Variants in ZNF609 observed in about 807,000 individuals in gnomAD.
ZNF609 encodes zinc finger protein 609.
In ZNF609, 11 loss-of-function variants were observed where a neutral mutation model predicts 109.5. The observed-to-expected ratio is 0.10, with a 90% CI of 0.06 to 0.17. ZNF609 has a LOEUF of 0.17. Ranked by LOEUF, ZNF609 falls within the 10% of genes least tolerant of loss-of-function variation. The probability of loss-of-function intolerance (pLI) is 1.00; values close to 1 mark genes in which losing one functional copy is unlikely to be tolerated. For synonymous variants in ZNF609, 646 were observed against 662.0 expected (o/e 0.98, Z 0.37); for missense variants, 1,559 against 1,772.4 (o/e 0.88, Z 2.16).
chr15:64,660,523 TA>T (rs1396857306), intron 3 of ZNF609, among the ~76,000 whole-genome samples: 2 of 152,218 alleles, frequency 1.3e-5, no homozygotes, highest in Non-Finnish European at 1.5e-5. Context: ...GTTGAGAAGT[TA>T]TGACGGAGAC....
At chr15:64,520,165 C>T (rs1893871201) in intron 2 of ZNF609, among the ~76,000 whole-genome samples, 1 of 152,130 alleles carries the variant, frequency 6.6e-6, no homozygotes, top group Non-Finnish European at 1.5e-5. Context: ...AGAAGCAGTA[C>T]AGGAAGGTTT....
intron 2 of ZNF609, among the ~76,000 whole-genome samples, chr15:64,530,561 ATAT>A (rs1314054577): frequency 6.6e-6 from 1 of 152,200 alleles, no homozygotes; most frequent in African/African-American, 2.4e-5. Flanking sequence ...TCAATGCTTA[ATAT>A]TAGTAGGGAT....
intron 3 of ZNF609, among the ~76,000 whole-genome samples, chr15:64,647,511 T>C (rs1896352987): frequency 6.6e-6 from 1 of 152,154 alleles, no homozygotes; most frequent in African/African-American, 2.4e-5. Context: ...TATATTTTTG[T>C]TGCTTCTTTT....
intron 2 of ZNF609, among the ~76,000 whole-genome samples, chr15:64,531,331 C>T (rs897507951): frequency 6.6e-6 from 1 of 152,058 alleles, no homozygotes; most frequent in Non-Finnish European, 1.5e-5. Context: ...TTGCTGAATA[C>T]AAGATGAGAT....
At chr15:64,607,823 C>A (rs1895630106) in intron 2 of ZNF609, among the ~76,000 whole-genome samples, 2 of 8,890 alleles carry the variant, frequency 2.2e-4, no homozygotes, top group East Asian at 0.011. Flanking sequence ...TTTCTTCTTT[C>A]TTTCTTTCTT....
At chr15:64,538,632 C>T (rs748922727) in intron 2 of ZNF609, among the ~76,000 whole-genome samples, 1 of 152,108 alleles carries the variant, frequency 6.6e-6, no homozygotes, top group Non-Finnish European at 1.5e-5. Flanking sequence ...CCGCAACCTC[C>T]GCCTCCTGGG....
At chr15:64,489,691 G>T (rs1893385313) in intron 1 of ZNF609, among the ~76,000 whole-genome samples, 1 of 151,548 alleles carries the variant, frequency 6.6e-6, no homozygotes, top group South Asian at 2.1e-4. Context: ...CACCATGCAT[G>T]GCTAATTTTT....
chr15:64,507,460 G>A (rs778016849), intron 2 of ZNF609, among the ~76,000 whole-genome samples: 2 of 152,166 alleles, frequency 1.3e-5, no homozygotes, highest in East Asian at 3.8e-4. Context: ...TGAGTAACCC[G>A]CCTCCAGAGC....
intron 2 of ZNF609, among the ~76,000 whole-genome samples, chr15:64,590,270 A>G (rs567989123): frequency 3.3e-5 from 5 of 152,296 alleles, no homozygotes; most frequent in Non-Finnish European, 7.3e-5. Flanking sequence ...ATATAAGGTC[A>G]TACATATTAG....
At chr15:64,550,344 TG>T (rs1251745144) in intron 2 of ZNF609, among the ~76,000 whole-genome samples, 5 of 151,950 alleles carry the variant, frequency 3.3e-5, no homozygotes, top group Non-Finnish European at 7.4e-5. Flanking sequence ...TTGTTGTTGT[TG>T]TTGTTAAATT....
At chr15:64,607,813 TTTC>T (rs1307543156) in intron 2 of ZNF609, among the ~76,000 whole-genome samples, 1 of 145,994 alleles carries the variant, frequency 6.8e-6, no homozygotes, top group African/African-American at 2.5e-5. Flanking sequence ...CCTTAAATGT[TTTC>T]TTCTTTCTTT....
chr15:64,647,240 C>T (rs1009285805), intron 3 of ZNF609, among the ~76,000 whole-genome samples: 26 of 151,452 alleles, frequency 1.7e-4, no homozygotes, highest in Admixed American at 1.4e-3. Flanking sequence ...TGTATTTTTT[C>T]CACTTAGGTA....
Position 64,513,257 on chromosome 15 carries a change from A to G in ZNF609, c.747+13091A>G, listed in dbSNP as rs565687149. 1.4e-4 allele frequency among the ~76,000 whole-genome samples: 22 copies of G among 152,304 alleles called. No homozygotes were observed. The East Asian group carries it at 4.0e-3, about 28-fold the overall frequency. On this transcript the variant is annotated intron_variant, in intron 2 of 9. Coordinates refer to ENST00000326648, the MANE Select transcript of ZNF609 (RefSeq NM_015042.2). ...AAGTGACTACACATTTATATACACC[A>G]TATTAGACTAGATCTTAATTTCATC...
chr15:64,552,553 C>T (rs1168566340), intron 2 of ZNF609, among the ~76,000 whole-genome samples: 1 of 152,096 alleles, frequency 6.6e-6, no homozygotes, highest in Non-Finnish European at 1.5e-5. Flanking sequence ...CGGGATTTTG[C>T]TATGTTGTCA....
intron 2 of ZNF609, among the ~76,000 whole-genome samples, chr15:64,582,012 A>G (rs1345391840): frequency 6.6e-6 from 1 of 152,100 alleles, no homozygotes. Context: ...TTCTATGTCC[A>G]TATTAATTAT....
At chr15:64,607,517 T>C (rs1372096656) in intron 2 of ZNF609, among the ~76,000 whole-genome samples, 1 of 151,258 alleles carries the variant, frequency 6.6e-6, no homozygotes, top group Non-Finnish European at 1.5e-5. Context: ...TTTTTTTTTT[T>C]TTTTGGAGAC....
At chr15:64,475,156 T>G (rs1343211293) in intron 1 of ZNF609, among the ~76,000 whole-genome samples, 4 of 149,516 alleles carry the variant, frequency 2.7e-5, no homozygotes, top group Non-Finnish European at 5.9e-5. Context: ...CATTTTTCAG[T>G]CTCCATTTCT....
chr15:64,657,577 G>A (rs989553700), intron 3 of ZNF609, among the ~76,000 whole-genome samples: 1 of 152,118 alleles, frequency 6.6e-6, no homozygotes, highest in Non-Finnish European at 1.5e-5. Flanking sequence ...TCGCGCTACT[G>A]CACCCCAGCC....
At chr15:64,554,923 C>A (rs2140396903) in intron 2 of ZNF609, among the ~76,000 whole-genome samples, 1 of 151,888 alleles carries the variant, frequency 6.6e-6, no homozygotes, top group South Asian at 2.1e-4. Flanking sequence ...ATGCTGAAAC[C>A]CCATCTCCAC....
Sources: gnomAD v4.1 joint callset for allele counts (sites outside exome capture counted in the v4.1 genomes callset) on GRCh38, gnomAD v4.1.1 for gene constraint, MANE v1.5 for transcripts, NCBI Gene and HGNC (gene_info 2026-07-23, HGNC 2026-07-21) for gene names.